The following TRAPPC9 variants were observed in gnomAD, a reference collection of about 807,000 sequenced individuals.
TRAPPC9 encodes IKK2 binding protein.
A neutral mutation model predicts 124.0 loss-of-function variants in TRAPPC9; 83 were observed. The ratio of observed to expected loss-of-function variants is 0.67; its 90% CI spans 0.56 to 0.80. TRAPPC9 has a LOEUF of 0.80. Ranked by LOEUF, TRAPPC9 falls within the 30% of genes least tolerant of loss-of-function variation. TRAPPC9 has a pLI of 0.00. For synonymous variants in TRAPPC9, 638 were observed against 617.5 expected (o/e 1.03, Z -0.49); for missense variants, 1,302 against 1,508.3 (o/e 0.86, Z 2.27).
At chr8:140,313,947 T>C (rs1563938265) in intron 9 of TRAPPC9, among the ~76,000 whole-genome samples, 1 of 152,150 alleles carries the variant, frequency 6.6e-6, no homozygotes, top group Non-Finnish European at 1.5e-5. Context: ...GCATGGCCCA[T>C]CCAGTGCAAA....
chr8:140,125,406 T>C (rs2061073123), intron 17 of TRAPPC9, among the ~76,000 whole-genome samples: 1 of 151,814 alleles, frequency 6.6e-6, no homozygotes, highest in South Asian at 2.1e-4. Flanking sequence ...GACCACGGGG[T>C]CAACTCAGGT....
rs578052688 is a variant in TRAPPC9, at chr8:140,443,682, T to C, written c.585-4485A>G. Among the ~76,000 whole-genome samples the C allele has an allele frequency of 3.5e-4, 54 of 152,118 alleles. No individual in the cohort carries two copies. In the East Asian group the frequency reaches 9.3e-3, roughly 26 times the overall value. Reference sequence around the variant, plus strand: ...TTGGGAAGCCGAGGCAGGCAGATCATTTGAAGCCAGGAGTTCGAGAACAGC... The same window carrying C: ...TTGGGAAGCCGAGGCAGGCAGATCACTTGAAGCCAGGAGTTCGAGAACAGC... On this transcript the variant is annotated intron_variant, in intron 2 of 22. Coordinates refer to ENST00000438773, the MANE Select transcript of TRAPPC9 (RefSeq NM_001160372.4).
chr8:140,044,313 T>C (rs1841451882), intron 17 of TRAPPC9, among the ~76,000 whole-genome samples: 1 of 149,744 alleles, frequency 6.7e-6, no homozygotes, highest in Non-Finnish European at 1.5e-5. Flanking sequence ...GGCTAGGATA[T>C]GACATCCTAC....
At chr8:140,160,107 C>T (rs1305421344) in intron 17 of TRAPPC9, among the ~76,000 whole-genome samples, 4 of 152,154 alleles carry the variant, frequency 2.6e-5, no homozygotes, top group Non-Finnish European at 4.4e-5. Context: ...TACCATCTCA[C>T]GCCAGTTAGA....
At chr8:139,873,185 A>C (rs1206099928) in intron 21 of TRAPPC9, among the ~76,000 whole-genome samples, 1 of 152,076 alleles carries the variant, frequency 6.6e-6, no homozygotes, top group African/African-American at 2.4e-5. Context: ...GAAAGTCTAG[A>C]ATAGTGCTTC....
chr8:140,458,313 T>C (rs1392690740), upstream of TRAPPC9: 2 of 1,568,600 alleles, frequency 1.3e-6, no homozygotes, highest in Admixed American at 3.8e-5. Context: ...CAAATTTCAC[T>C]TCCTCTGTGA....
intron 17 of TRAPPC9, among the ~76,000 whole-genome samples, chr8:140,056,425 AAACAAGTAAC>A (rs1481191077): frequency 6.6e-6 from 1 of 152,038 alleles, no homozygotes; most frequent in Non-Finnish European, 1.5e-5. Flanking sequence ...AAAAAACAAA[AAACAAGTAAC>A]AACAAAAACC....
chr8:140,420,152 C>T (rs2070150793), intron 5 of TRAPPC9, among the ~76,000 whole-genome samples: 1 of 151,670 alleles, frequency 6.6e-6, no homozygotes, highest in Non-Finnish European at 1.5e-5. Flanking sequence ...AAATTTAACC[C>T]CCATAAAAAG....
rs115773798 is a variant in TRAPPC9, at chr8:139,970,002, C to T, written c.2810+18724G>A. On this transcript the variant is annotated intron_variant, in intron 19 of 22. Transcript: ENST00000438773. ...CCACATTGAAGTATTTCTTTCAGTA[C>T]GCAAAAAATGTTGTGTTAGCCACAG... is the stretch of plus-strand genomic sequence containing the variant. Among the ~76,000 whole-genome samples the T allele has an allele frequency of 6.8e-3, 1,040 of 152,288 alleles. 11 individuals are homozygous for T. Among genetic ancestry groups the T allele is most frequent in the African/African-American group, 0.024 (980 of 41,566 alleles).
intron 21 of TRAPPC9, among the ~76,000 whole-genome samples, chr8:139,809,928 ACTC>A (rs1196448385): frequency 6.6e-6 from 1 of 151,600 alleles, no homozygotes; most frequent in Non-Finnish European, 1.5e-5. Flanking sequence ...CTCTTCCCTG[ACTC>A]CTGTGTGCGC....
At chr8:139,750,181 C>G (rs1819217617) in intron 21 of TRAPPC9, among the ~76,000 whole-genome samples, 1 of 152,180 alleles carries the variant, frequency 6.6e-6, no homozygotes, top group African/African-American at 2.4e-5. Flanking sequence ...CCCAACCTCC[C>G]CTGCTCCCCA....
At chr8:140,128,447 G>A (rs1221242833) in intron 17 of TRAPPC9, among the ~76,000 whole-genome samples, 1 of 152,234 alleles carries the variant, frequency 6.6e-6, no homozygotes, top group Non-Finnish European at 1.5e-5. Context: ...GTGACTAATG[G>A]TCTGAGGTTA....
intron 17 of TRAPPC9, among the ~76,000 whole-genome samples, chr8:140,129,177 G>T (rs1472282266): frequency 6.6e-6 from 1 of 152,044 alleles, no homozygotes; most frequent in Non-Finnish European, 1.5e-5. Flanking sequence ...ACAGATTGGT[G>T]TCCATCTCCT....
At position 140,257,311 on chromosome 8, in the gene TRAPPC9, A is replaced by T. The variant is rs956984337; in HGVS notation, c.2279-4382T>A. Among the ~76,000 whole-genome samples the T allele has an allele frequency of 6.6e-6, 1 of 152,216 alleles. No homozygotes were observed. The highest frequency in any genetic ancestry group is 1.5e-5 in the Non-Finnish European group (1 of 68,046). On this transcript the variant is annotated intron_variant, in intron 15 of 22. Coordinates refer to ENST00000438773, the MANE Select transcript of TRAPPC9 (RefSeq NM_001160372.4). The surrounding 1 kb of genome is among the most constrained non-coding windows in gnomAD (Gnocchi z 4.6). ...GTGCCTCAGTCCTCTGGCAGCTCAG[A>T]ACGCAGTTGCTGCCTCTTCTCCACG... is the stretch of plus-strand genomic sequence containing the variant.
chr8:139,743,726 C>T (rs549538245), intron 21 of TRAPPC9, among the ~76,000 whole-genome samples: 26 of 152,312 alleles, frequency 1.7e-4, no homozygotes, highest in Middle Eastern at 3.4e-3. Flanking sequence ...TCACCAACAC[C>T]GGGCCAGCTG....
At chr8:140,085,148 A>T (rs574345587) in intron 17 of TRAPPC9, among the ~76,000 whole-genome samples, 1 of 151,660 alleles carries the variant, frequency 6.6e-6, no homozygotes, top group South Asian at 2.1e-4. Flanking sequence ...ATGCCCCATG[A>T]CTCTTTGAAA....
intron 21 of TRAPPC9, among the ~76,000 whole-genome samples, chr8:139,883,886 A>G (rs968477031): frequency 6.6e-6 from 1 of 152,130 alleles, no homozygotes; most frequent in Admixed American, 6.5e-5. Context: ...CTGTTTGTAA[A>G]TGATGGAGAA....
intron 4 of TRAPPC9, among the ~76,000 whole-genome samples, chr8:140,428,073 C>A (rs930905141): frequency 6.6e-6 from 1 of 152,204 alleles, no homozygotes; most frequent in African/African-American, 2.4e-5. Flanking sequence ...CGTTCAGCTG[C>A]ACAGACCTTG....
chr8:140,258,589 C>T (rs1305107810), intron 15 of TRAPPC9, among the ~76,000 whole-genome samples: 2 of 152,222 alleles, frequency 1.3e-5, no homozygotes, highest in Admixed American at 6.5e-5. Context: ...TGGAAGCTAT[C>T]GCTTTCCCTT....
Sources: gnomAD v4.1 joint callset for allele counts (sites outside exome capture counted in the v4.1 genomes callset) on GRCh38, gnomAD v4.1.1 for gene constraint, Gnocchi (gnomAD v3.1) non-coding constraint, MANE v1.5 for transcripts, NCBI Gene and HGNC (gene_info 2026-07-23, HGNC 2026-07-21) for gene names.